The following IKZF3 variants were observed in gnomAD, a reference collection of about 807,000 sequenced individuals.
IKZF3 encodes the protein zinc finger protein Aiolos.
In IKZF3, 10 loss-of-function variants were observed where a neutral mutation model predicts 49.0. The observed-to-expected ratio is 0.20, with a 90% confidence interval of 0.13 to 0.35. The LOEUF (loss-of-function observed/expected upper bound fraction) is 0.35. Among genes scored for constraint, IKZF3 ranks in the 10% least tolerant of loss-of-function variants. The pLI, the probability that IKZF3 is intolerant of heterozygous loss-of-function variation, is 1.00. For synonymous variants in IKZF3, 209 were observed against 228.2 expected, an observed-to-expected ratio of 0.92 and a Z score of 0.76; for missense variants, 498 against 664.8, an observed-to-expected ratio of 0.75 and a Z score of 2.76.
intron 3 of IKZF3, among the ~76,000 whole-genome samples, chr17:39,806,988 C>G (rs1246656498): frequency 6.6e-6 from 1 of 152,158 alleles, no homozygotes; most frequent in African/African-American, 2.4e-5. Context: ...GGAACTGAAT[C>G]CTGACAACAA....
rs150485340 is a variant in IKZF3, at chr17:39,839,221, C to T, written c.8-7070G>A. On this transcript the variant is annotated intron_variant, in intron 1 of 7. Coordinates refer to ENST00000346872, the MANE Select transcript of IKZF3 (RefSeq NM_012481.5). ...TATTACTGAATGCAGTCAACCAACA[C>T]GTTCATAAGAGATTCAGAGAGAAAA... 16 of 246,532 alleles carry T rather than the reference C, an allele frequency of 6.5e-5. No individual in the cohort carries two copies. In the East Asian group the frequency reaches 1.4e-3, roughly 21 times the overall value. The allele number at this position is 246,532 out of a possible 1,614,324, so 15.3% of individuals were successfully genotyped here.
intron 1 of IKZF3, among the ~76,000 whole-genome samples, chr17:39,836,797 T>G (rs1330493515): frequency 6.6e-6 from 1 of 152,246 alleles, no homozygotes. Flanking sequence ...ATAGTTGTCA[T>G]ATGTATCACA....
At chr17:39,799,849 T>TAAG (rs1567994306) in intron 3 of IKZF3, among the ~76,000 whole-genome samples, 2 of 152,234 alleles carry the variant, frequency 1.3e-5, no homozygotes, top group African/African-American at 4.8e-5. Context: ...AAAAAAATTA[T>TAAG]GTTTCTTTGT....
intron 3 of IKZF3, among the ~76,000 whole-genome samples, chr17:39,800,234 A>G (rs1281910194): frequency 1.3e-5 from 2 of 152,206 alleles, no homozygotes; most frequent in Non-Finnish European, 2.9e-5. Flanking sequence ...CAGGTTTCTT[A>G]GACATACATC....
chr17:39,852,406 CCAA>C (rs1191021883), intron 1 of IKZF3, among the ~76,000 whole-genome samples: 1 of 152,096 alleles, frequency 6.6e-6, no homozygotes, highest in Non-Finnish European at 1.5e-5. Flanking sequence ...TGTTATGTTG[CCAA>C]AACCAACCAC....
Position 39,792,716 on chromosome 17 carries a change from G to A in IKZF3, c.381C>T (p.Cys127=). ...KMNCDVCGLS[C]ISFNVLMVHK... Reference sequence around the variant, plus strand: ...GAACCATTAAGACATTGAAGCTGATGCAGGATAATCCACACACATCGCAGT... The same window carrying A: ...GAACCATTAAGACATTGAAGCTGATACAGGATAATCCACACACATCGCAGT... Residue 127 remains cysteine, a synonymous_variant, in exon 4 of 8, where the codon TGC becomes TGT. Transcript: ENST00000346872. 1 of 1,614,162 alleles carries A rather than the reference G, an allele frequency of 6.2e-7. No individual in the cohort carries two copies. The highest frequency in any genetic ancestry group is 1.1e-5 in the South Asian group (1 of 91,082).
rs146566966 is a variant in IKZF3, at chr17:39,779,367, C to T, written c.710-1600G>A. The stretch of plus-strand genomic sequence containing the variant: ...ATCTTAGCTCTCGGGAGGCTGAGGC[C>T]GGAGAATCGCTTGAACCCAGGAGGC... On this transcript the variant is annotated intron_variant, in intron 6 of 7. Coordinates refer to ENST00000346872, the MANE Select transcript of IKZF3 (RefSeq NM_012481.5). Among the ~76,000 whole-genome samples the T allele has an allele frequency of 2.8e-3, 425 of 151,842 alleles. 1 individual carries two copies. Among genetic ancestry groups the T allele is most frequent in the Non-Finnish European group, 4.7e-3 (320 of 67,874 alleles).
intron 3 of IKZF3, among the ~76,000 whole-genome samples, chr17:39,813,578 G>T (rs2061611334): frequency 6.6e-6 from 1 of 151,608 alleles, no homozygotes; most frequent in Non-Finnish European, 1.5e-5. Context: ...TGGGAGGTTG[G>T]GGCTGCAGTG....
intron 1 of IKZF3, among the ~76,000 whole-genome samples, chr17:39,847,077 A>T (rs28695941): frequency 0.058 from 8,794 of 152,192 alleles, 398 homozygotes; most frequent in African/African-American, 0.12. Flanking sequence ...CTTTTACTTT[A>T]TAATTAAAAG....
rs1270343291 is a variant in IKZF3, at chr17:39,829,303, T to C, written c.163+84A>G. ...TAACTAAACCTACAATTGCAAGTTT[T>C]CCTTGGAGAGCTGATTTCTTCTCTA... On this transcript the variant is annotated intron_variant, in intron 3 of 7. Coordinates refer to ENST00000346872, the MANE Select transcript of IKZF3 (RefSeq NM_012481.5). The C allele has an allele frequency of 2.2e-5, 20 of 902,288 alleles. No individual in the cohort carries two copies. The Admixed American group carries it at 4.3e-4, about 19-fold the overall frequency. 55.9% of individuals were successfully genotyped at this position (902,288 alleles called of 1,614,324 possible). A position where few individuals can be genotyped will look rare whatever the true frequency, so the allele number is the denominator to read the frequency against.
chr17:39,864,196 T>G lies in IKZF3; in HGVS notation c.-70A>C, dbSNP rs1444491129. The G allele has an allele frequency of 1.3e-6, 2 of 1,560,702 alleles. No homozygotes were observed. Among genetic ancestry groups the G allele is most frequent in the African/African-American group, 1.4e-5 (1 of 71,164 alleles). Reference sequence around the variant, plus strand: ...CTCTCCACGTGCTCCTGCCGTCGCCTGGACTCAGCGCGCAGCTGGCGGGAG... The same window carrying G: ...CTCTCCACGTGCTCCTGCCGTCGCCGGGACTCAGCGCGCAGCTGGCGGGAG... On this transcript the variant is annotated 5_prime_UTR_variant, in exon 1 of 8. Coordinates refer to ENST00000346872, the MANE Select transcript of IKZF3 (RefSeq NM_012481.5).
chr17:39,768,663 G>A (rs776482297), intron 7 of IKZF3, among the ~76,000 whole-genome samples: 1 of 152,190 alleles, frequency 6.6e-6, no homozygotes, highest in Non-Finnish European at 1.5e-5. Context: ...CAGGGTCACT[G>A]GAAAGCACTT....
chr17:39,766,454 C>T lies in IKZF3; in HGVS notation c.866G>A (p.Ser289Asn). The T allele has an allele frequency of 6.2e-7, 1 of 1,613,656 alleles. No individual in the cohort carries two copies. Among genetic ancestry groups the T allele is most frequent in the East Asian group, 2.2e-5 (1 of 44,882 alleles). ...CTCACTCTCTTTCTCATACATGTAA[C>T]TTGAATTATAGTTGACATCAAAGCA... ...RHCFDVNYNS[S>N]YMYEKESELI... Residue 289 changes from serine (S) to asparagine (N), a missense_variant, in exon 8 of 8, where the codon AGT becomes AAT. Around this residue, in one of 3 missense-constraint regions of IKZF3, gnomAD observed 317 missense variants for 397.3 expected, o/e 0.80. Coordinates refer to ENST00000346872, the MANE Select transcript of IKZF3 (RefSeq NM_012481.5).
Position 39,766,278 on chromosome 17 carries a change from G to C in IKZF3, c.1042C>G (p.Arg348Gly), listed in dbSNP as rs200903748. 7.4e-6 allele frequency: 12 copies of C among 1,614,154 alleles called. No homozygotes were observed. Among genetic ancestry groups the C allele is most frequent in the South Asian group, 1.1e-5 (1 of 91,076 alleles). ...GGGGCACCGTTTGACATCTCAGCCC[G>C]GGTGAGGGCTATGGGATACATGCTG... ...ISSMYPIALT[R>G]AEMSNGAPQE... is the part of the protein sequence containing the mutation. The change falls in exon 8 of 8, where the codon CGG becomes GGG. Residue 348 changes from arginine (R) to glycine (G), a missense_variant. By Grantham distance (125) the Arg-to-Gly change is moderately radical. This residue lies in a region of IKZF3 where 317 missense variants were observed against 397.3 expected (regional missense o/e 0.80). Coordinates refer to ENST00000346872, the MANE Select transcript of IKZF3 (RefSeq NM_012481.5).
At chr17:39,773,940 G>T (rs946221014) in intron 7 of IKZF3, among the ~76,000 whole-genome samples, 1 of 40,030 alleles carries the variant, frequency 2.5e-5, no homozygotes, top group Non-Finnish European at 5.8e-5. Context: ...TGATGGACGT[G>T]TGTCCATTTT....
chr17:39,766,886 A>C (rs1004308628), intron 7 of IKZF3, among the ~76,000 whole-genome samples: 2 of 152,146 alleles, frequency 1.3e-5, no homozygotes, highest in Non-Finnish European at 2.9e-5. Context: ...ATGATCTCTT[A>C]AGACACAGTC....
chr17:39,821,634 G>A (rs1388675878), intron 3 of IKZF3, among the ~76,000 whole-genome samples: 2 of 152,216 alleles, frequency 1.3e-5, no homozygotes, highest in African/African-American at 4.8e-5. Context: ...TAAAAAGAGT[G>A]TTGGGTTGGA....
At chr17:39,796,595 C>G (rs971041157) in intron 3 of IKZF3, among the ~76,000 whole-genome samples, 1 of 149,762 alleles carries the variant, frequency 6.7e-6, no homozygotes, top group Non-Finnish European at 1.5e-5. Flanking sequence ...GGCTGGAGAG[C>G]AGTGGTGTGA....
rs552574034 is a variant in IKZF3, at chr17:39,840,743, C to G, written c.8-8592G>C. 2.0e-5 allele frequency among the ~76,000 whole-genome samples: 3 copies of G among 152,256 alleles called. No homozygotes were observed. In the East Asian group the frequency reaches 5.8e-4, roughly 29 times the overall value. ...CATAGTTTAAAAATACGCAAAGGAG[C>G]AGCTTGGCATGGGATGTCAAAATCC... On this transcript the variant is annotated intron_variant, in intron 1 of 7. Coordinates refer to ENST00000346872, the MANE Select transcript of IKZF3 (RefSeq NM_012481.5).
Sources: gnomAD v4.1 joint callset for allele counts (sites outside exome capture counted in the v4.1 genomes callset) on GRCh38, gnomAD v4.1.1 for gene constraint, gnomAD v4.1.1 regional missense constraint, MANE v1.5 for transcripts, NCBI Gene and HGNC (gene_info 2026-07-23, HGNC 2026-07-21) for gene names.